JARID2: variants seen among roughly 807,000 people sequenced by gnomAD.
The protein encoded by JARID2 is protein Jumonji.
JARID2 carries 21 observed loss-of-function variants against 125.6 expected under a neutral mutation model. The ratio of observed to expected loss-of-function variants is 0.17; its 90% CI spans 0.12 to 0.24. The LOEUF is 0.24. JARID2 is among the 10% of genes least tolerant of loss of function. The pLI is 1.00. For missense variants in JARID2, 1,303 were observed against 1,639.6 expected, an observed-to-expected ratio of 0.79 and a Z score of 3.55; for synonymous variants, 736 against 661.6, an observed-to-expected ratio of 1.11 and a Z score of -1.73.
chr6:15,469,976 A>G (rs1768991254), intron 5 of JARID2, among the ~76,000 whole-genome samples: 1 of 152,090 alleles, frequency 6.6e-6, no homozygotes, highest in African/African-American at 2.4e-5. Context: ...CAAGAGATCA[A>G]GACCATCCTG....
chr6:15,516,972 AGTTTTC>A (rs1261978824), intron 16 of JARID2, among the ~76,000 whole-genome samples, 183 bp from the exon 17 acceptor site: 1 of 152,166 alleles, frequency 6.6e-6, no homozygotes, highest in African/African-American at 2.4e-5. Flanking sequence ...GTGTTTGGTC[AGTTTTC>A]GTTTTAGTCC....
At chr6:15,500,547 C>T (rs1247912195) in intron 7 of JARID2, among the ~76,000 whole-genome samples, 2 of 152,180 alleles carry the variant, frequency 1.3e-5, no homozygotes, top group South Asian at 2.1e-4. Context: ...CACCCGCCTC[C>T]ATGTGACAAC....
intron 5 of JARID2, among the ~76,000 whole-genome samples, chr6:15,473,883 A>G (rs1356808722): frequency 1.3e-5 from 2 of 152,170 alleles, no homozygotes; most frequent in South Asian, 4.1e-4. Context: ...AGTAATATAC[A>G]GGCCACTTGG....
intron 3 of JARID2, among the ~76,000 whole-genome samples, chr6:15,440,029 A>G (rs1767377513): frequency 6.6e-6 from 1 of 152,238 alleles, no homozygotes; most frequent in South Asian, 2.1e-4. Flanking sequence ...ACTTGACATC[A>G]AGACCCCTTG....
At position 15,285,106 on chromosome 6, in the gene JARID2, G is replaced by GTTTTTTTTT. The variant is rs199945772; in HGVS notation, c.45+38535_45+38543dup. 6.8e-4 allele frequency among the ~76,000 whole-genome samples: 81 copies of GTTTTTTTTT among 119,454 alleles called. 4 individuals are homozygous for GTTTTTTTTT. Among genetic ancestry groups the GTTTTTTTTT allele is most frequent in the African/African-American group, 2.5e-3 (76 of 30,416 alleles). The allele number at this position is 119,454 out of a possible 152,430, so 78.4% of individuals were successfully genotyped here. On this transcript the variant is annotated intron_variant, in intron 1 of 17. Coordinates refer to ENST00000341776, the MANE Select transcript of JARID2 (RefSeq NM_004973.4). ...TTTGCATTAATGTGAGTCTTTCTGG[G>GTTTTTTTTT]TTTTTTTTTTTTTTTTTTTTTGAAA...
In JARID2 at chr6:15,492,376, G is replaced by T. The variant is rs549707916; in HGVS notation, c.907-3756G>T. 5.3e-5 allele frequency among the ~76,000 whole-genome samples: 8 copies of T among 152,352 alleles called. 1 individual carries two copies. In the East Asian group the frequency reaches 1.5e-3, roughly 29 times the overall value. ...GCTCTTCTGTGGAATCCCTCAGGAC[G>T]TGCAGCGGTGGCCTTCCTTGTAGTG... is the stretch of plus-strand genomic sequence containing the variant. On this transcript the variant is annotated intron_variant, in intron 6 of 17. Coordinates refer to ENST00000341776, the MANE Select transcript of JARID2 (RefSeq NM_004973.4).
rs1048347313 is a variant in JARID2 at position 15,414,804 on chromosome 6, A to G, written c.323+4439A>G. Among the ~76,000 whole-genome samples, 13 of 151,832 alleles carry G rather than the reference A, an allele frequency of 8.6e-5. No homozygotes were observed. The East Asian group carries it at 2.5e-3, about 29-fold the overall frequency. On this transcript the variant is annotated intron_variant, in intron 3 of 17. Coordinates refer to ENST00000341776, the MANE Select transcript of JARID2 (RefSeq NM_004973.4). ...GATATATTTACATAGTTTATAACAT[A>G]TATTTTTTTGTTTGTTTTTATTTAT...
intron 1 of JARID2, among the ~76,000 whole-genome samples, chr6:15,370,330 GT>G (rs33981169): frequency 0.44 from 49,453 of 113,618 alleles, 9,992 homozygotes; most frequent in South Asian, 0.49. Flanking sequence ...TATCTGGGCT[GT>G]TTTTTTTTTT....
chr6:15,424,005 G>C (rs1766614255), intron 3 of JARID2, among the ~76,000 whole-genome samples: 1 of 151,994 alleles, frequency 6.6e-6, no homozygotes, highest in Non-Finnish European at 1.5e-5. Context: ...TCATCCCCTC[G>C]TTGGTCTGCG....
intron 1 of JARID2, among the ~76,000 whole-genome samples, chr6:15,326,642 C>T (rs1376874909): frequency 6.6e-6 from 1 of 152,182 alleles, no homozygotes; most frequent in Non-Finnish European, 1.5e-5. Context: ...GCTGGGACTA[C>T]AGGTATGTGC....
intron 1 of JARID2, among the ~76,000 whole-genome samples, chr6:15,355,274 C>A (rs1763559439): frequency 6.6e-6 from 1 of 152,028 alleles, no homozygotes; most frequent in South Asian, 2.1e-4. Context: ...TTGATAACAT[C>A]AAAAAATGCA....
At position 15,400,710 on chromosome 6, in the gene JARID2, G is replaced by A. The variant is rs114555702; in HGVS notation, c.182-9514G>A. 567 of 682,826 alleles carry A rather than the reference G, an allele frequency of 8.3e-4. 2 individuals are homozygous for A. The African/African-American group carries it at 9.1e-3, about 11-fold the overall frequency. The allele number at this position is 682,826 out of a possible 1,614,324, so 42.3% of individuals were successfully genotyped here. A position where few individuals can be genotyped will look rare whatever the true frequency, so the allele number is the denominator to read the frequency against. On this transcript the variant is annotated intron_variant, in intron 2 of 17. Transcript: ENST00000341776. ...AGCCAGCCGGAGACCCCTCCTCTTT[G>A]GTGTTCGATTCCCTCCCTTGCACAT...
intron 1 of JARID2, among the ~76,000 whole-genome samples, chr6:15,325,599 T>G (rs1489251423): frequency 6.6e-6 from 1 of 152,146 alleles, no homozygotes; most frequent in Non-Finnish European, 1.5e-5. Flanking sequence ...GGACTTTGAT[T>G]TCACCAGAGT....
intron 3 of JARID2, among the ~76,000 whole-genome samples, chr6:15,422,247 C>T (rs546089722): frequency 8.5e-5 from 13 of 152,102 alleles, no homozygotes; most frequent in Non-Finnish European, 1.2e-4. Context: ...TCCTTCTGGA[C>T]GAATACTCTT....
chr6:15,387,469 TCCTCATGCGAGGACTCCAGC>T (rs1278131128), intron 2 of JARID2, among the ~76,000 whole-genome samples: 1 of 152,142 alleles, frequency 6.6e-6, no homozygotes, highest in Non-Finnish European at 1.5e-5. Flanking sequence ...TGAGTCTTCC[TCCTCATGCGAGGACTCCAGC>T]CCTCTCAGGT....
chr6:15,461,763 A>G (rs1230820805), intron 4 of JARID2, among the ~76,000 whole-genome samples: 2 of 152,182 alleles, frequency 1.3e-5, no homozygotes, highest in Non-Finnish European at 2.9e-5. Flanking sequence ...TCGACTGAAG[A>G]CATTATGCTC....
intron 2 of JARID2, among the ~76,000 whole-genome samples, chr6:15,384,014 G>A (rs541039154): frequency 1.4e-4 from 22 of 151,874 alleles, no homozygotes; most frequent in Non-Finnish European, 2.6e-4. Context: ...GGCTGGTCTC[G>A]AACTCCTGAC....
chr6:15,394,983 AAAG>A (rs1163479314), intron 2 of JARID2, among the ~76,000 whole-genome samples: 2 of 151,998 alleles, frequency 1.3e-5, no homozygotes, highest in African/African-American at 4.8e-5. Context: ...TAAACCAGTC[AAAG>A]AAGCGACAAA....
chr6:15,495,640 T>C (rs1005248359), intron 6 of JARID2, among the ~76,000 whole-genome samples: 9 of 152,140 alleles, frequency 5.9e-5, no homozygotes, highest in African/African-American at 2.2e-4. Flanking sequence ...TGTGGGCAGG[T>C]CATGCTGCTA....
Sources: gnomAD v4.1 joint callset for allele counts (sites outside exome capture counted in the v4.1 genomes callset) on GRCh38, gnomAD v4.1.1 for gene constraint, MANE v1.5 for transcripts, NCBI Gene and HGNC (gene_info 2026-07-23, HGNC 2026-07-21) for gene names.